Variants in CCDC40 observed in about 807,000 individuals in gnomAD.
CCDC40 encodes coiled-coil domain-containing protein 40.
Under a neutral mutation model 124.5 loss-of-function variants are expected in CCDC40, and 104 were observed. The observed-to-expected ratio is 0.84, with a 90% CI of 0.71 to 0.98. The LOEUF is 0.98. Among genes scored for constraint, CCDC40 ranks in the 50% least tolerant of loss-of-function variants. The pLI is 0.00. For missense variants in CCDC40, 1,463 were observed against 1,503.9 expected (o/e 0.97, Z 0.45); for synonymous variants, 580 against 602.9 (o/e 0.96, Z 0.56).
chr17:80,041,727 C>T (rs903465081), intron 3 of CCDC40, among the ~76,000 whole-genome samples: 5 of 152,130 alleles, frequency 3.3e-5, no homozygotes, highest in Admixed American at 6.5e-5. Context: ...TCTTGTAGAG[C>T]GCCCCTCAGC....
At chr17:80,040,377 T>C in intron 3 of CCDC40, 107 bp downstream of exon 3, 1 of 1,101,850 alleles carries the variant, frequency 9.1e-7, no homozygotes, top group Non-Finnish European at 1.3e-6. Context: ...TTGCAATCCC[T>C]GTTAGAAATG....
At chr17:80,057,838 T>A (rs897956983) in intron 7 of CCDC40, among the ~76,000 whole-genome samples, 4 of 150,946 alleles carry the variant, frequency 2.6e-5, no homozygotes, top group African/African-American at 9.8e-5. Context: ...ATCGCGCCAC[T>A]GCACTCCAGC....
chr17:80,043,050 G>A (rs915173110), intron 3 of CCDC40, among the ~76,000 whole-genome samples: 2 of 152,146 alleles, frequency 1.3e-5, no homozygotes, highest in South Asian at 2.1e-4. Flanking sequence ...TGTGAATGTC[G>A]GTTCCTCTTT....
At chr17:80,089,088 C>T in intron 16 of CCDC40, among the ~76,000 whole-genome samples, 1 of 152,244 alleles carries the variant, frequency 6.6e-6, no homozygotes, top group East Asian at 1.9e-4. Flanking sequence ...CCCTTCACTT[C>T]CCAGAAAACC....
chr17:80,072,984 TTTTG>T (rs57139196), intron 10 of CCDC40, among the ~76,000 whole-genome samples: 6,467 of 148,926 alleles, frequency 0.043, 282 homozygotes, highest in African/African-American at 0.12. Flanking sequence ...GTGGAATCGC[TTTTG>T]TTTGTTTGTT....
rs764901506 is a variant in CCDC40, at chr17:80,097,410, G to C, written c.3180+7G>C. 1.9e-6 allele frequency: 3 copies of C among 1,613,694 alleles called. No individual in the cohort carries two copies. In the African/African-American group the frequency reaches 4.0e-5, roughly 22 times the overall value. ...TGGGGCCCTCAAACGACAGGTAAAC[G>C]TGTCCCAGGAGGTCCCTGGGGATGA... is the stretch of plus-strand genomic sequence containing the variant. On this transcript the variant is annotated splice_region_variant and intron_variant, in intron 19 of 19. Coordinates refer to ENST00000397545, the MANE Select transcript of CCDC40 (RefSeq NM_017950.4).
intron 3 of CCDC40, among the ~76,000 whole-genome samples, chr17:80,045,053 G>A (rs536409967): frequency 1.3e-5 from 2 of 152,142 alleles, no homozygotes; most frequent in Non-Finnish European, 1.5e-5. Context: ...CTGGGCTCCC[G>A]TTAATGTTGT....
intron 10 of CCDC40, among the ~76,000 whole-genome samples, chr17:80,069,677 G>A (rs1202915639): frequency 6.6e-6 from 1 of 152,194 alleles, no homozygotes; most frequent in East Asian, 1.9e-4. Flanking sequence ...CCTGAACCCG[G>A]GAGGTGGAGG....
intron 7 of CCDC40, among the ~76,000 whole-genome samples, chr17:80,057,136 CT>C (rs199830007): frequency 1.3e-5 from 2 of 150,542 alleles, no homozygotes; most frequent in South Asian, 2.1e-4. Context: ...GCACAGGTTG[CT>C]TTTTTTTTGA....
chr17:80,047,236 C>G (rs752714152), intron 3 of CCDC40, 43 bp from the exon 4 acceptor site: 1 of 1,597,654 alleles, frequency 6.3e-7, no homozygotes, highest in East Asian at 2.2e-5. Context: ...TTCTCAGTGG[C>G]AATTAAGCCC....
Position 80,087,562 on chromosome 17 carries a change from G to A in CCDC40, c.2450-45G>A, listed in dbSNP as rs768952359. On this transcript the variant is annotated intron_variant, in intron 14 of 19. Coordinates refer to ENST00000397545, the MANE Select transcript of CCDC40 (RefSeq NM_017950.4). This position sits in a 1 kb window ranked among gnomAD's most constrained non-coding sequence, Gnocchi z 4.5. ...CACTGCTGCCTGCGGGCGAGGACCC[G>A]TACCCTCCTGGGGTCTCTCCCTGAG... The A allele has an allele frequency of 1.6e-5, 25 of 1,573,826 alleles. No individual in the cohort carries two copies. The highest frequency in any genetic ancestry group is 7.8e-5 in the South Asian group (7 of 90,038).
chr17:80,050,739 C>G (rs761616568), intron 7 of CCDC40, among the ~76,000 whole-genome samples: 1 of 152,214 alleles, frequency 6.6e-6, no homozygotes, highest in African/African-American at 2.4e-5. Context: ...ACACTGCACC[C>G]GGTTATAAAT....
Position 80,047,694 on chromosome 17 carries a change from A to G in CCDC40, c.676+292A>G, listed in dbSNP as rs7211986. 0.34 allele frequency among the ~76,000 whole-genome samples: 51,665 copies of G among 152,122 alleles called. 11,332 individuals carry two copies. The highest frequency in any genetic ancestry group is 0.63 in the African/African-American group (26,070 of 41,496). On this transcript the variant is annotated intron_variant, in intron 4 of 19. Coordinates refer to ENST00000397545, the MANE Select transcript of CCDC40 (RefSeq NM_017950.4). ...GATTAAGTGACAGAACGCGGCCTTC[A>G]CCAAGATTCAGTGACGCCCAGCCCC...
intron 7 of CCDC40, among the ~76,000 whole-genome samples, chr17:80,056,016 A>ATATATATT (rs71163913): frequency 2.0e-4 from 2 of 10,252 alleles, no homozygotes; most frequent in African/African-American, 7.0e-4. Context: ...ATATATATAT[A>ATATATATT]TTTTTTTTTT....
In CCDC40 at chr17:80,095,455, G is replaced by C. The variant is rs1467630849; in HGVS notation, c.3021+4G>C. On this transcript the variant is annotated splice_donor_region_variant and intron_variant, in intron 18 of 19. Coordinates refer to ENST00000397545, the MANE Select transcript of CCDC40 (RefSeq NM_017950.4). Reference sequence around the variant, plus strand: ...GAAAATCAGGGACGTTCGCAAGGTAGGGAGCAGCGGAAAGGAAACAGGGCG... The same window carrying C: ...GAAAATCAGGGACGTTCGCAAGGTACGGAGCAGCGGAAAGGAAACAGGGCG... 6.2e-7 allele frequency: 1 copy of C among 1,613,874 alleles called. No individual in the cohort carries two copies. Among genetic ancestry groups the C allele is most frequent in the Non-Finnish European group, 8.5e-7 (1 of 1,179,910 alleles).
Position 80,099,798 on chromosome 17 carries a change from G to C in CCDC40, c.*23G>C, listed in dbSNP as rs2038886594. 1 of 1,610,930 alleles carries C rather than the reference G, an allele frequency of 6.2e-7. No individual in the cohort carries two copies. On this transcript the variant is annotated 3_prime_UTR_variant, in exon 20 of 20. Coordinates refer to ENST00000397545, the MANE Select transcript of CCDC40 (RefSeq NM_017950.4). ...TAGGGAGCAGCCTGGACTCCGCCTTGCAAGGCCTCCAGGAAGAGATCCGGA... is the reference window on the plus strand; with the variant it reads ...TAGGGAGCAGCCTGGACTCCGCCTTCCAAGGCCTCCAGGAAGAGATCCGGA...
intron 10 of CCDC40, among the ~76,000 whole-genome samples, chr17:80,069,366 A>G (rs930593089): frequency 2.6e-5 from 4 of 152,170 alleles, no homozygotes; most frequent in African/African-American, 7.2e-5. Flanking sequence ...TGTCTTCCCT[A>G]TTTTTGCAGG....
In CCDC40 at chr17:80,100,326, T is replaced by A; in HGVS notation, c.*551T>A. The A allele has an allele frequency of 5.9e-6, 1 of 169,764 alleles. No individual in the cohort carries two copies. The highest frequency in any genetic ancestry group is 1.3e-5 in the Non-Finnish European group (1 of 77,532). The allele number at this position is 169,764 out of a possible 1,614,324, so 10.5% of individuals were successfully genotyped here. A position where few individuals can be genotyped will look rare whatever the true frequency, so the allele number is the denominator to read the frequency against. On this transcript the variant is annotated 3_prime_UTR_variant, in exon 20 of 20. Coordinates refer to ENST00000397545, the MANE Select transcript of CCDC40 (RefSeq NM_017950.4). ...TCCTGCCCCCATGTCCCCATTTGAG[T>A]TAAATTCAGATCCACAGCTTGCAGG...
chr17:80,041,498 ACT>A (rs745384872), intron 3 of CCDC40, among the ~76,000 whole-genome samples: 1 of 143,384 alleles, frequency 7.0e-6, no homozygotes, highest in Non-Finnish European at 1.5e-5. Context: ...ACAGAGCGAG[ACT>A]CTGTCTCAAA....
Sources: gnomAD v4.1 joint callset for allele counts (sites outside exome capture counted in the v4.1 genomes callset) on GRCh38, gnomAD v4.1.1 for gene constraint, Gnocchi (gnomAD v3.1) non-coding constraint, MANE v1.5 for transcripts, NCBI Gene and HGNC (gene_info 2026-07-23, HGNC 2026-07-21) for gene names.